ALG14: variants seen among roughly 807,000 people sequenced by gnomAD.
ALG14 encodes ALG14 UDP-N-acetylglucosaminyltransferase subunit, also known as UDP-N-acetylglucosamine transferase subunit ALG14.
Under a neutral mutation model 22.8 loss-of-function variants are expected in ALG14, and 17 were observed. The observed-to-expected ratio is 0.75, with a 90% CI of 0.51 to 1.12. The LOEUF is 1.12. Among genes scored for constraint, ALG14 ranks in the 50% most tolerant of loss-of-function variants. The pLI, the probability that ALG14 is intolerant of heterozygous loss-of-function variation, is 0.00. For missense variants in ALG14, 288 were observed against 271.8 expected, an observed-to-expected ratio of 1.06 and a Z score of -0.42; for synonymous variants, 89 against 103.7, an observed-to-expected ratio of 0.86 and a Z score of 0.86.
chr1:95,068,024 G>A (rs1675433601), intron 1 of ALG14, among the ~76,000 whole-genome samples: 1 of 152,078 alleles, frequency 6.6e-6, no homozygotes, highest in African/African-American at 2.4e-5. Flanking sequence ...CCAAATCGTA[G>A]TGTTTATCAC....
chr1:95,052,857 G>GAAAAAAA (rs57458273), intron 2 of ALG14, among the ~76,000 whole-genome samples: 1 of 119,494 alleles, frequency 8.4e-6, no homozygotes, highest in Non-Finnish European at 1.7e-5. Flanking sequence ...ACTGCATCTC[G>GAAAAAAA]AAAAAAAAAA....
chr1:95,059,293 G>C (rs2100829813), intron 2 of ALG14, among the ~76,000 whole-genome samples: 1 of 151,204 alleles, frequency 6.6e-6, no homozygotes, highest in South Asian at 2.1e-4. Context: ...ACTACTAGGG[G>C]GGCTGAGGCA....
Position 94,983,126 on chromosome 1 carries a change from C to G in ALG14, c.601G>C (p.Ala201Pro). Residue 201 changes from alanine to proline, a missense_variant, in exon 4 of 4, where the codon GCT becomes CCT. Coordinates refer to ENST00000370205, the MANE Select transcript of ALG14 (RefSeq NM_144988.4). ...GATTTGGGATACTTTTCTTTCAGAG[C>G]CGGCCACTGAACAATGAAGTAATCT... The part of the protein sequence containing the change: ...LSDYFIVQWP[A>P]LKEKYPKSVY... 1 of 1,614,092 alleles carries G rather than the reference C, an allele frequency of 6.2e-7. No individual in the cohort carries two copies. Among genetic ancestry groups the G allele is most frequent in the Non-Finnish European group, 8.5e-7 (1 of 1,180,020 alleles).
Position 95,055,221 on chromosome 1 carries a change from G to C in ALG14, c.288+9645C>G, listed in dbSNP as rs1010762621. On this transcript the variant is annotated intron_variant, in intron 2 of 3. Transcript: ENST00000370205. ...ACAAAATAAAATGAGAAAAACAAAA[G>C]GTGTAAGGATTAGAAAGAATTAGAA... 4.6e-5 allele frequency among the ~76,000 whole-genome samples: 7 copies of C among 152,054 alleles called. No individual in the cohort carries two copies. In the South Asian group the frequency reaches 6.2e-4, roughly 14 times the overall value.
intron 3 of ALG14, among the ~76,000 whole-genome samples, chr1:94,998,024 A>G: frequency 6.6e-6 from 1 of 152,236 alleles, no homozygotes; most frequent in South Asian, 2.1e-4. Context: ...TAAGGGGAAA[A>G]GAGGTGGTGG....
At chr1:94,994,244 C>CT (rs557261044) in intron 3 of ALG14, among the ~76,000 whole-genome samples, 247 of 152,264 alleles carry the variant, frequency 1.6e-3, no homozygotes, top group Non-Finnish European at 2.6e-3. Flanking sequence ...GCTTCTTGAT[C>CT]TTTTTTTGTT....
At chr1:95,026,197 G>T (rs955437655) in intron 3 of ALG14, among the ~76,000 whole-genome samples, 1 of 152,134 alleles carries the variant, frequency 6.6e-6, no homozygotes, top group Admixed American at 6.5e-5. Context: ...CTCCCAAAGG[G>T]CTGGGATTAC....
intron 3 of ALG14, among the ~76,000 whole-genome samples, chr1:95,009,941 G>GA (rs1307659210): frequency 1.3e-5 from 2 of 152,116 alleles, no homozygotes; most frequent in African/African-American, 4.8e-5. Context: ...AGTTTAACAT[G>GA]ATTTCAAAAT....
intron 3 of ALG14, among the ~76,000 whole-genome samples, chr1:94,985,658 C>G (rs1332494234): frequency 6.6e-6 from 1 of 152,182 alleles, no homozygotes; most frequent in Non-Finnish European, 1.5e-5. Flanking sequence ...CTAGTCAACT[C>G]TCTATACACA....
rs183010308 is a variant in ALG14 at position 95,027,151 on chromosome 1, A to G, written c.398T>C (p.Ile133Thr). ...TACCAAATCTGGCTTCACCCTGTGA[A>G]TTAGGGGAAAGGAGAGCCACATGGA... is the stretch of plus-strand genomic sequence containing the variant. ...LHSMWLSFPL[I>T]HRVKPDLVLC... The change falls in exon 3 of 4, where the codon ATT becomes ACT. Residue 133 changes from isoleucine to threonine, a missense_variant. Ile to Thr is a moderately conservative substitution (Grantham distance 89). Coordinates refer to ENST00000370205, the MANE Select transcript of ALG14 (RefSeq NM_144988.4). 1 of 1,614,082 alleles carries G rather than the reference A, an allele frequency of 6.2e-7. No individual in the cohort carries two copies. The highest frequency in any genetic ancestry group is 2.2e-5 in the East Asian group (1 of 44,860).
intron 3 of ALG14, among the ~76,000 whole-genome samples, chr1:94,997,099 A>G (rs1235160467): frequency 6.6e-6 from 1 of 152,220 alleles, no homozygotes; most frequent in Admixed American, 6.5e-5. Context: ...CGGGTGGCAA[A>G]GCACCATATC....
At chr1:95,060,110 T>A (rs965872761) in intron 2 of ALG14, among the ~76,000 whole-genome samples, 1 of 147,344 alleles carries the variant, frequency 6.8e-6, no homozygotes, top group Admixed American at 6.8e-5. Context: ...TTCACCACCC[T>A]CCTATACATA....
At chr1:95,020,629 T>C (rs1299123232) in intron 3 of ALG14, among the ~76,000 whole-genome samples, 5 of 151,238 alleles carry the variant, frequency 3.3e-5, no homozygotes, top group African/African-American at 4.9e-5. Flanking sequence ...TCCCAGCTAC[T>C]TGGGAGGCTG....
chr1:95,025,246 A>G (rs1673778699), intron 3 of ALG14, among the ~76,000 whole-genome samples: 1 of 152,236 alleles, frequency 6.6e-6, no homozygotes, highest in Non-Finnish European at 1.5e-5. Context: ...CCAATATATC[A>G]AGAGCAGTAA....
chr1:95,002,367 G>C (rs973486723), intron 3 of ALG14, among the ~76,000 whole-genome samples: 1 of 152,090 alleles, frequency 6.6e-6, no homozygotes, highest in Non-Finnish European at 1.5e-5. Flanking sequence ...AAGAGGGGTG[G>C]GGCAAGGGAC....
chr1:95,065,708 A>G (rs900686944), intron 1 of ALG14, among the ~76,000 whole-genome samples: 2 of 152,210 alleles, frequency 1.3e-5, no homozygotes, highest in African/African-American at 4.8e-5. Context: ...CCTAAGAAAC[A>G]TCTTTTGTTC....
chr1:95,050,902 G>A (rs958498589), intron 2 of ALG14, among the ~76,000 whole-genome samples: 1 of 140,070 alleles, frequency 7.1e-6, no homozygotes, highest in Admixed American at 7.6e-5. Context: ...GTCTCACTGT[G>A]TCACCCAGGC....
chr1:95,024,431 T>A (rs1673754398), intron 3 of ALG14, among the ~76,000 whole-genome samples: 2 of 152,352 alleles, frequency 1.3e-5, no homozygotes, highest in African/African-American at 2.4e-5. Context: ...AGATATTTTT[T>A]AAAATACTGG....
At chr1:94,992,575 C>T (rs1672802806) in intron 3 of ALG14, among the ~76,000 whole-genome samples, 1 of 151,434 alleles carries the variant, frequency 6.6e-6, no homozygotes, top group African/African-American at 2.5e-5. Context: ...GGAGGGGGAG[C>T]TTGAGACAGA....
Sources: allele counts gnomAD v4.1 joint callset (sites outside exome capture counted in the v4.1 genomes callset), GRCh38; gene constraint gnomAD v4.1.1; transcripts MANE v1.5; gene names NCBI Gene and HGNC (gene_info 2026-07-23, HGNC 2026-07-21).